SLIT3: variants seen among roughly 807,000 people sequenced by gnomAD.
SLIT3 encodes slit homolog 3 protein.
SLIT3 carries 68 observed loss-of-function variants against 184.0 expected under a neutral mutation model. That is an observed-to-expected ratio of 0.37 (90% CI 0.30 to 0.45). The LOEUF (loss-of-function observed/expected upper bound fraction) is 0.45, where lower values mean the gene tolerates loss of function less well. Among genes scored for constraint, SLIT3 ranks in the 20% least tolerant of loss-of-function variants. SLIT3 has a pLI of 1.00. For missense variants in SLIT3, 1,707 were observed against 2,026.0 expected (o/e 0.84, Z 3.02); for synonymous variants, 831 against 828.6 (o/e 1.00, Z -0.05).
chr5:169,236,893 G>T (rs1407042376), intron 3 of SLIT3, among the ~76,000 whole-genome samples: 4 of 152,142 alleles, frequency 2.6e-5, no homozygotes, highest in Non-Finnish European at 4.4e-5. Context: ...AGTTGATACT[G>T]ATGTCTCAAA....
At chr5:169,148,354 G>T (rs74336829) in intron 4 of SLIT3, among the ~76,000 whole-genome samples, 1 of 152,174 alleles carries the variant, frequency 6.6e-6, no homozygotes, top group African/African-American at 2.4e-5. Context: ...AAAGGCCGAA[G>T]AGGAAATAAA....
chr5:168,818,793 C>A (rs1319680296), intron 7 of SLIT3, among the ~76,000 whole-genome samples: 1 of 152,226 alleles, frequency 6.6e-6, no homozygotes, highest in Admixed American at 6.5e-5. Flanking sequence ...GCAGCTACCT[C>A]CTGCTGGATG....
At chr5:169,084,209 A>G (rs1285758694) in intron 4 of SLIT3, among the ~76,000 whole-genome samples, 1 of 152,032 alleles carries the variant, frequency 6.6e-6, no homozygotes, top group African/African-American at 2.4e-5. Flanking sequence ...GTTGACTCCA[A>G]CAGTATTTAA....
At chr5:169,272,999 T>C (rs1766681584) in intron 1 of SLIT3, among the ~76,000 whole-genome samples, 1 of 152,012 alleles carries the variant, frequency 6.6e-6, no homozygotes, top group African/African-American at 2.4e-5. Flanking sequence ...CAAGTAGCCG[T>C]GTGTGTTTCC....
rs536187361 is a variant in SLIT3 at position 169,120,620 on chromosome 5, G to A, written c.413+72859C>T. Among the ~76,000 whole-genome samples, 32 of 152,226 alleles carry A rather than the reference G, an allele frequency of 2.1e-4. No homozygotes were observed. In the South Asian group the frequency reaches 3.1e-3, roughly 15 times the overall value. ...AACTGTAAGAGACTCAGTTTGTGTC[G>A]CTTTATGCCACTAAATCTGTGGTAA... On this transcript the variant is annotated intron_variant, in intron 4 of 35. Transcript: ENST00000519560.
chr5:168,856,547 T>A (rs1758875555), intron 5 of SLIT3, among the ~76,000 whole-genome samples: 1 of 152,100 alleles, frequency 6.6e-6, no homozygotes, highest in Admixed American at 6.5e-5. Context: ...TCACTCAAGA[T>A]TCAGGGGGGA....
At chr5:168,905,573 C>T (rs2113049552) in intron 4 of SLIT3, among the ~76,000 whole-genome samples, 1 of 152,310 alleles carries the variant, frequency 6.6e-6, no homozygotes, top group East Asian at 1.9e-4. Flanking sequence ...AACACATCTA[C>T]AGTGTGCTCA....
chr5:169,300,781 CGGGGAG>C lies in SLIT3; in HGVS notation c.-78_-73del. The stretch of plus-strand genomic sequence containing the variant: ...GACGCGTGGAGCCCGAGGAGGCGCG[CGGGGAG>C]CGCGGGCGGCCTGGGGAGCGGGCGG... On this transcript the variant is annotated 5_prime_UTR_variant, in exon 1 of 36. Coordinates refer to ENST00000519560, the MANE Select transcript of SLIT3 (RefSeq NM_003062.4). The surrounding 1 kb of genome is among the most constrained non-coding windows in gnomAD (Gnocchi z 4.1). The C allele has an allele frequency of 8.1e-7, 1 of 1,239,180 alleles. No homozygotes were observed. Among genetic ancestry groups the C allele is most frequent in the African/African-American group, 1.6e-5 (1 of 63,900 alleles). 76.8% of individuals were successfully genotyped at this position (1,239,180 alleles called of 1,614,324 possible). A position where few individuals can be genotyped will look rare whatever the true frequency, so the allele number is the denominator to read the frequency against.
chr5:169,068,225 A>C (rs1428393257), intron 4 of SLIT3, among the ~76,000 whole-genome samples: 1 of 152,206 alleles, frequency 6.6e-6, no homozygotes, highest in Admixed American at 6.5e-5. Flanking sequence ...GGAAGAAAAA[A>C]GAGAGGAAGA....
chr5:169,035,458 G>A (rs1172822112), intron 4 of SLIT3, among the ~76,000 whole-genome samples: 1 of 151,890 alleles, frequency 6.6e-6, no homozygotes, highest in Non-Finnish European at 1.5e-5. Context: ...GACCATCCTG[G>A]CTCACACGGT....
rs562664994 is a variant in SLIT3 at position 168,793,971 on chromosome 5, T to C, written c.1007+1536A>G. 3.7e-4 allele frequency among the ~76,000 whole-genome samples: 56 copies of C among 152,360 alleles called. No individual in the cohort carries two copies. In the South Asian group the frequency reaches 5.0e-3, roughly 14 times the overall value. Reference sequence around the variant, plus strand: ...GCTGCCTCATTATGTTGGTTTCCACTTCTGGAATTGCACCAGAAGAAAAGC... The same window carrying C: ...GCTGCCTCATTATGTTGGTTTCCACCTCTGGAATTGCACCAGAAGAAAAGC... On this transcript the variant is annotated intron_variant, in intron 10 of 35. Coordinates refer to ENST00000519560, the MANE Select transcript of SLIT3 (RefSeq NM_003062.4).
chr5:168,829,927 G>A (rs1166312651), intron 6 of SLIT3, among the ~76,000 whole-genome samples: 3 of 152,132 alleles, frequency 2.0e-5, no homozygotes, highest in Admixed American at 2.0e-4. Flanking sequence ...TGAAACTGGG[G>A]ACACTACAGA....
At chr5:168,865,348 A>G (rs1436602254) in intron 5 of SLIT3, among the ~76,000 whole-genome samples, 2 of 152,316 alleles carry the variant, frequency 1.3e-5, no homozygotes, top group African/African-American at 4.8e-5. Flanking sequence ...ATGCCCATCA[A>G]CAGGGGAATG....
At chr5:168,675,915 C>G (rs2113192575) in intron 32 of SLIT3, among the ~76,000 whole-genome samples, 1 of 152,248 alleles carries the variant, frequency 6.6e-6, no homozygotes, top group Non-Finnish European at 1.5e-5. Context: ...ACTCATTCAT[C>G]CAACTATCCA....
At chr5:169,017,384 T>G (rs1756425957) in intron 4 of SLIT3, among the ~76,000 whole-genome samples, 1 of 152,164 alleles carries the variant, frequency 6.6e-6, no homozygotes, top group Admixed American at 6.5e-5. Flanking sequence ...AGGTCCCTAA[T>G]ACGGAAATGT....
intron 4 of SLIT3, among the ~76,000 whole-genome samples, chr5:169,184,795 T>C (rs895151193): frequency 6.6e-6 from 1 of 152,234 alleles, no homozygotes; most frequent in East Asian, 1.9e-4. Flanking sequence ...CTTCGGAATA[T>C]GTTAGACATG....
At chr5:169,284,061 A>T (rs574716069) in intron 1 of SLIT3, among the ~76,000 whole-genome samples, 1 of 152,362 alleles carries the variant, frequency 6.6e-6, no homozygotes, top group South Asian at 2.1e-4. Context: ...ATTTCAGCCA[A>T]TAAAACAATG....
intron 4 of SLIT3, among the ~76,000 whole-genome samples, chr5:169,077,298 G>T (rs1442830076): frequency 6.6e-6 from 1 of 152,188 alleles, no homozygotes; most frequent in Non-Finnish European, 1.5e-5. Flanking sequence ...AGCACTTTGG[G>T]AGGCTGAGGC....
intron 20 of SLIT3, among the ~76,000 whole-genome samples, chr5:168,744,299 G>A (rs993985019): frequency 2.0e-5 from 3 of 152,106 alleles, no homozygotes; most frequent in South Asian, 4.2e-4. Flanking sequence ...AAAACAAAAC[G>A]AAACAAAACA....
Sources: gnomAD v4.1 joint callset for allele counts (sites outside exome capture counted in the v4.1 genomes callset) on GRCh38, gnomAD v4.1.1 for gene constraint, Gnocchi (gnomAD v3.1) non-coding constraint, MANE v1.5 for transcripts, NCBI Gene and HGNC (gene_info 2026-07-23, HGNC 2026-07-21) for gene names.